TBC1D10B: variants seen among roughly 807,000 people sequenced by gnomAD.
The protein encoded by TBC1D10B is Rab27A-GAPbeta.
A neutral mutation model predicts 78.4 loss-of-function variants in TBC1D10B; 25 were observed. That is an observed-to-expected ratio of 0.32 (90% CI 0.23 to 0.45). The LOEUF (loss-of-function observed/expected upper bound fraction) is 0.45, where lower values mean the gene tolerates loss of function less well. Among genes scored for constraint, TBC1D10B ranks in the 20% least tolerant of loss-of-function variants. The pLI is 1.00. For synonymous variants in TBC1D10B, 517 were observed against 478.0 expected, an observed-to-expected ratio of 1.08 and a Z score of -1.06; for missense variants, 996 against 1,104.8, an observed-to-expected ratio of 0.90 and a Z score of 1.40.
chr16:30,359,910 G>A, intron 4 of TBC1D10B, 69 bp from the exon 5 acceptor site: 1 of 1,368,502 alleles, frequency 7.3e-7, no homozygotes, highest in Non-Finnish European at 1.0e-6. Flanking sequence ...CCCAGTTCCA[G>A]ATTCGTCCCA....
intron 4 of TBC1D10B, among the ~76,000 whole-genome samples, chr16:30,360,813 G>C (rs2049593752): frequency 6.6e-6 from 1 of 151,938 alleles, no homozygotes; most frequent in African/African-American, 2.4e-5. Flanking sequence ...TGTTGCTATG[G>C]GTGAAGAGTC....
At chr16:30,359,393 C>A in intron 6 of TBC1D10B, 32 bp from the exon 7 acceptor site, 1 of 1,552,816 alleles carries the variant, frequency 6.4e-7, no homozygotes, top group East Asian at 2.4e-5. Context: ...AGAAGAGGGC[C>A]AAGTCAGCTG....
chr16:30,361,713 G>GT (rs893156502), intron 4 of TBC1D10B, among the ~76,000 whole-genome samples: 95 of 144,804 alleles, frequency 6.6e-4, no homozygotes, highest in African/African-American at 1.5e-3. Flanking sequence ...CCACAAAACT[G>GT]TTTTTTTTTT....
rs768310794 is a variant in TBC1D10B, at chr16:30,358,372, T to A, written c.1999A>T (p.Ser667Cys). ...CCTCCAGCTGCCCGGGAGCCTCGGC[T>A]CTTGAGGCCAGGGAGGCTGAGGAGG... Reference protein sequence around the residue: ...SSLLSLPGLKSRGSRAAGGAP... With the variant: ...SSLLSLPGLKCRGSRAAGGAP... The change falls in exon 9 of 9, where the codon AGC becomes TGC. Residue 667 changes from serine to cysteine, a missense_variant. Physicochemically the swap from Ser to Cys is moderately radical, Grantham distance 112 (BLOSUM62 -1). Around this residue, in one of 5 missense-constraint regions of TBC1D10B, gnomAD observed 285 missense variants for 252.5 expected, o/e 1.13. Transcript: ENST00000409939. 4.5e-6 allele frequency: 7 copies of A among 1,562,294 alleles called. No individual in the cohort carries two copies. In the East Asian group the frequency reaches 1.7e-4, roughly 37 times the overall value.
rs868694088 is a variant in TBC1D10B, at chr16:30,358,300, C to A, written c.2071G>T (p.Ala691Ser). The part of the protein sequence containing the change: ...PPVRRASAGP[A>S]PGPVVTAEGL... ...TCAGCAGTGACCACAGGCCCTGGGG[C>A]AGGCCCAGCACTGGCTCTGCGGACG... The change falls in exon 9 of 9, where the codon GCC (alanine) becomes TCC (serine). Residue 691 changes from alanine (A) to serine (S), a missense_variant. This residue lies in a region of TBC1D10B where 285 missense variants were observed against 252.5 expected (regional missense o/e 1.13). Coordinates refer to ENST00000409939, the MANE Select transcript of TBC1D10B (RefSeq NM_015527.4). 6.3e-7 allele frequency: 1 copy of A among 1,584,208 alleles called. No homozygotes were observed. Among genetic ancestry groups the A allele is most frequent in the South Asian group, 1.2e-5 (1 of 86,440 alleles).
rs546873167 is a variant in TBC1D10B at position 30,357,869 on chromosome 16, G to C, written c.*75C>G. On this transcript the variant is annotated 3_prime_UTR_variant, in exon 9 of 9. Coordinates refer to ENST00000409939, the MANE Select transcript of TBC1D10B (RefSeq NM_015527.4). The stretch of plus-strand genomic sequence containing the variant: ...GGGACAGCCTGACAAGGTGCTAGGG[G>C]GTGGCACCTTGGGCCAGGCCTGTTC... 27 of 1,476,254 alleles carry C rather than the reference G, an allele frequency of 1.8e-5. No individual in the cohort carries two copies. The highest frequency in any genetic ancestry group is 2.4e-5 in the Non-Finnish European group (27 of 1,113,278). 91.4% of individuals were successfully genotyped at this position (1,476,254 alleles called of 1,614,324 possible). A position where few individuals can be genotyped will look rare whatever the true frequency, so the allele number is the denominator to read the frequency against.
chr16:30,358,954 A>C (rs2049580352), intron 7 of TBC1D10B, 137 bp from the exon 8 acceptor site: 40 of 1,266,016 alleles, frequency 3.2e-5, no homozygotes, highest in Non-Finnish European at 4.1e-5. Flanking sequence ...GTGAAAGTAC[A>C]TGAGCTGCTA....
rs755018271 is a variant in TBC1D10B, at chr16:30,358,453, G to A, written c.1918C>T (p.Arg640Trp). Residue 640 changes from arginine (R) to tryptophan (W), a missense_variant, in exon 9 of 9, where the codon CGG becomes TGG. Arg to Trp is a moderately radical substitution (Grantham distance 101). Transcript: ENST00000409939. ...YRPSRRLHGSRAIHEERRRQQ... is the reference protein window; with the variant it reads ...YRPSRRLHGSWAIHEERRRQQ... ...CGCCGGCGCTCCTCGTGGATGGCCCGGGACCCATGCAGTCGCCGTGAGGGC... is the reference window on the plus strand; with the variant it reads ...CGCCGGCGCTCCTCGTGGATGGCCCAGGACCCATGCAGTCGCCGTGAGGGC... The A allele has an allele frequency of 1.8e-5, 29 of 1,591,366 alleles. No homozygotes were observed. The highest frequency in any genetic ancestry group is 6.8e-5 in the South Asian group (6 of 87,882).
At chr16:30,364,001 C>T (rs1229778667) in intron 4 of TBC1D10B, among the ~76,000 whole-genome samples, 2 of 151,584 alleles carry the variant, frequency 1.3e-5, no homozygotes, top group Non-Finnish European at 2.9e-5. Flanking sequence ...CCTGTAATGC[C>T]AGCTACTTGG....
Position 30,365,393 on chromosome 16 carries a change from G to A in TBC1D10B, c.1056+102C>T. 7.1e-7 allele frequency: 1 copy of A among 1,414,122 alleles called. No homozygotes were observed. The allele number at this position is 1,414,122 out of a possible 1,614,324, so 87.6% of individuals were successfully genotyped here. A position where few individuals can be genotyped will look rare whatever the true frequency, so the allele number is the denominator to read the frequency against. ...CCGCCAGGGCCCATCTATCCCCAGTGTGGTCCAGAGGGCAGATATTATCGG... is the reference window on the plus strand; with the variant it reads ...CCGCCAGGGCCCATCTATCCCCAGTATGGTCCAGAGGGCAGATATTATCGG... On this transcript the variant is annotated intron_variant, in intron 2 of 8. Transcript: ENST00000409939. This position sits in a 1 kb window ranked among gnomAD's most constrained non-coding sequence, Gnocchi z 5.0.
chr16:30,362,770 A>T (rs2049607523), intron 4 of TBC1D10B, among the ~76,000 whole-genome samples: 2 of 152,070 alleles, frequency 1.3e-5, no homozygotes, highest in South Asian at 4.2e-4. Flanking sequence ...GGGCATGGAG[A>T]CTCACACCTG....
chr16:30,369,407 A>G lies in TBC1D10B; in HGVS notation c.777T>C (p.Pro259=). ...TSSLGPGISG[P]RGQAPDTLSY... ...TCAGCGTGTCCGGGGCCTGCCCTCG[A>G]GGCCCAGAGATGCCAGGTCCCAGGC... The change falls in exon 1 of 9, where the codon CCT becomes CCC. Residue 259 remains proline (P), a synonymous_variant. Transcript: ENST00000409939. This position sits in a 1 kb window ranked among gnomAD's most constrained non-coding sequence, Gnocchi z 4.3. The G allele has an allele frequency of 6.3e-7, 1 of 1,579,730 alleles. No homozygotes were observed. Among genetic ancestry groups the G allele is most frequent in the Non-Finnish European group, 8.6e-7 (1 of 1,163,026 alleles).
chr16:30,361,706 C>A (rs1274860073), intron 4 of TBC1D10B, among the ~76,000 whole-genome samples: 1 of 149,218 alleles, frequency 6.7e-6, no homozygotes, highest in Non-Finnish European at 1.5e-5. Flanking sequence ...CGCCCAGCCA[C>A]AAAACTGTTT....
intron 1 of TBC1D10B, among the ~76,000 whole-genome samples, chr16:30,368,668 A>G (rs1015551555): frequency 2.0e-5 from 3 of 152,056 alleles, no homozygotes; most frequent in African/African-American, 7.2e-5. Flanking sequence ...CAGATACAAG[A>G]CTGCCCTGTT....
rs541421865 is a variant in TBC1D10B at position 30,368,779 on chromosome 16, G to A, written c.956+449C>T. Among the ~76,000 whole-genome samples the A allele has an allele frequency of 9.9e-5, 15 of 152,276 alleles. No individual in the cohort carries two copies. The South Asian group carries it at 2.9e-3, about 29-fold the overall frequency. On this transcript the variant is annotated intron_variant, in intron 1 of 8. Coordinates refer to ENST00000409939, the MANE Select transcript of TBC1D10B (RefSeq NM_015527.4). Reference sequence around the variant, plus strand: ...CCTAGGGCTATGGGGGAAGGGAGATGCCTGCACCCCTCCCAGGCTATCCAC... The same window carrying A: ...CCTAGGGCTATGGGGGAAGGGAGATACCTGCACCCCTCCCAGGCTATCCAC...
chr16:30,365,637 G>A lies in TBC1D10B; in HGVS notation c.957-43C>T. On this transcript the variant is annotated intron_variant, in intron 1 of 8. Coordinates refer to ENST00000409939, the MANE Select transcript of TBC1D10B (RefSeq NM_015527.4). This position sits in a 1 kb window ranked among gnomAD's most constrained non-coding sequence, Gnocchi z 5.0. ...CACGGAAGGGGTCAGTAGCAATAGTGTAAAACCTGCATTGCAGGGGGAACT... is the reference window on the plus strand; with the variant it reads ...CACGGAAGGGGTCAGTAGCAATAGTATAAAACCTGCATTGCAGGGGGAACT... 1.3e-6 allele frequency: 2 copies of A among 1,587,588 alleles called. No individual in the cohort carries two copies. The highest frequency in any genetic ancestry group is 1.7e-6 in the Non-Finnish European group (2 of 1,158,220).
rs1284675686 is a variant in TBC1D10B, at chr16:30,370,175, C to G, written c.9G>C (p.Thr3=). 8.5e-7 allele frequency: 1 copy of G among 1,173,574 alleles called. No individual in the cohort carries two copies. Among genetic ancestry groups the G allele is most frequent in the Admixed American group, 4.6e-5 (1 of 21,670 alleles). The allele number at this position is 1,173,574 out of a possible 1,614,324, so 72.7% of individuals were successfully genotyped here. The change falls in exon 1 of 9, where the codon ACG becomes ACC. Residue 3 remains threonine (T), a synonymous_variant. Coordinates refer to ENST00000409939, the MANE Select transcript of TBC1D10B (RefSeq NM_015527.4). ...GCGGGGCCACCAGGGGCGCCGTGCC[C>G]GTCTCCATGGCCGCGGGCCGCCCCT... ME[T]GTAPLVAPPR... is the part of the protein sequence containing the mutation.
chr16:30,367,591 A>C (rs989114447), intron 1 of TBC1D10B: 2 of 152,262 alleles, frequency 1.3e-5, no homozygotes, highest in Non-Finnish European at 2.9e-5. Flanking sequence ...CCATGAAGAA[A>C]TGAGTAGAAC....
At position 30,358,686 on chromosome 16, in the gene TBC1D10B, G is replaced by T. The variant is rs770247477; in HGVS notation, c.1774C>A (p.Gln592Lys). The T allele has an allele frequency of 1.2e-6, 2 of 1,608,766 alleles. No homozygotes were observed. The highest frequency in any genetic ancestry group is 8.5e-7 in the Non-Finnish European group (1 of 1,176,160). ...QLRNLPQQCM[Q>K]EDFLVHEVTN... Reference sequence around the variant, plus strand: ...ACCTCATGCACCAGGAAGTCTTCCTGCATGCACTGCTGGGGCAGGTTACGC... The same window carrying T: ...ACCTCATGCACCAGGAAGTCTTCCTTCATGCACTGCTGGGGCAGGTTACGC... The change falls in exon 8 of 9, where the codon CAG (glutamine) becomes AAG (lysine). Residue 592 changes from glutamine to lysine, a missense_variant. By Grantham distance (53) the Gln-to-Lys change is moderately conservative. This residue lies in a region of TBC1D10B where 168 missense variants were observed against 238.7 expected (regional missense o/e 0.70). Coordinates refer to ENST00000409939, the MANE Select transcript of TBC1D10B (RefSeq NM_015527.4).
Sources: gnomAD v4.1 joint callset for allele counts (sites outside exome capture counted in the v4.1 genomes callset) on GRCh38, gnomAD v4.1.1 for gene constraint, gnomAD v4.1.1 regional missense constraint, Gnocchi (gnomAD v3.1) non-coding constraint, MANE v1.5 for transcripts, NCBI Gene and HGNC (gene_info 2026-07-23, HGNC 2026-07-21) for gene names.